The following PTPRT variants were observed in gnomAD, a reference collection of about 807,000 sequenced individuals.
The protein encoded by PTPRT is receptor-type tyrosine-protein phosphatase T.
Under a neutral mutation model 176.8 loss-of-function variants are expected in PTPRT, and 56 were observed. The ratio of observed to expected loss-of-function variants is 0.32; its 90% confidence interval spans 0.26 to 0.40. The LOEUF (loss-of-function observed/expected upper bound fraction) is 0.40, where lower values mean the gene tolerates loss of function less well. Ranked by LOEUF, PTPRT falls within the 10% of genes least tolerant of loss-of-function variation. The pLI, the probability that PTPRT is intolerant of heterozygous loss-of-function variation, is 1.00. For missense variants in PTPRT, 1,540 were observed against 1,908.2 expected (o/e 0.81, Z 3.60); for synonymous variants, 783 against 739.0 (o/e 1.06, Z -0.96).
At chr20:42,573,428 C>T (rs1337935561) in intron 7 of PTPRT, among the ~76,000 whole-genome samples, 2 of 152,146 alleles carry the variant, frequency 1.3e-5, no homozygotes, top group African/African-American at 4.8e-5. Flanking sequence ...CTGTTGAGCT[C>T]CAGAGAGGGA....
intron 9 of PTPRT, among the ~76,000 whole-genome samples, chr20:42,442,293 T>G (rs1359125589): frequency 6.6e-6 from 1 of 152,238 alleles, no homozygotes. Context: ...TGTTGATTCC[T>G]GGGGCCCGTG....
At chr20:42,082,118 C>A (rs1003618807) in intron 29 of PTPRT, 101 bp from the exon 30 acceptor site, 10 of 1,533,582 alleles carry the variant, frequency 6.5e-6, no homozygotes, top group Non-Finnish European at 8.9e-6. Context: ...GCTGTCTGGG[C>A]AGATGCAAGG....
At chr20:43,121,118 G>T (rs1033582498) in intron 1 of PTPRT, among the ~76,000 whole-genome samples, 1 of 151,608 alleles carries the variant, frequency 6.6e-6, no homozygotes, top group Non-Finnish European at 1.5e-5. Context: ...ACGCTATGTT[G>T]TTACCTGTGT....
chr20:42,916,897 G>C (rs1361498383), intron 1 of PTPRT, among the ~76,000 whole-genome samples: 4 of 152,052 alleles, frequency 2.6e-5, no homozygotes, highest in East Asian at 1.9e-4. Context: ...AAAATTTTCT[G>C]CCATTCTGTA....
rs148786455 is a variant in PTPRT at position 42,636,995 on chromosome 20, C to G, written c.1153+40871G>C. ...CAAACCTTCATGGAAGATGGTGCCT[C>G]TGACTCTGGAGGGATACAATGAGGA... On this transcript the variant is annotated intron_variant, in intron 7 of 30. Transcript: ENST00000373187. Among the ~76,000 whole-genome samples, 3 of 152,066 alleles carry G rather than the reference C, an allele frequency of 2.0e-5. No individual in the cohort carries two copies. In the East Asian group the frequency reaches 5.8e-4, roughly 29 times the overall value.
At chr20:42,857,259 C>T (rs1309108530) in intron 2 of PTPRT, among the ~76,000 whole-genome samples, 1 of 152,178 alleles carries the variant, frequency 6.6e-6, no homozygotes, top group African/African-American at 2.4e-5. Context: ...CCTATTCACA[C>T]ATTCTTTCTT....
intron 2 of PTPRT, among the ~76,000 whole-genome samples, chr20:42,877,782 G>A (rs1286529950): frequency 6.6e-6 from 1 of 152,148 alleles, no homozygotes; most frequent in African/African-American, 2.4e-5. Flanking sequence ...GCTTTTTACA[G>A]CTAGCATCCA....
chr20:42,319,200 T>G (rs1258911086), intron 11 of PTPRT, among the ~76,000 whole-genome samples: 14 of 151,694 alleles, frequency 9.2e-5, no homozygotes, highest in Admixed American at 9.2e-4. Context: ...AAGTGATTCA[T>G]GAGGGTCAAA....
intron 1 of PTPRT, among the ~76,000 whole-genome samples, chr20:42,940,561 G>T (rs548034867): frequency 3.1e-4 from 47 of 152,246 alleles, no homozygotes; most frequent in African/African-American, 1.1e-3. Context: ...TTGGAGCATT[G>T]ACAGTGTGTT....
chr20:42,073,120 G>A lies in PTPRT; in HGVS notation c.*7759C>T. ...ATTCATGGAGGAGGCTGCAAAGAGT[G>A]TGGAGACTTTGGTCTCATGCAATAT... On this transcript the variant is annotated 3_prime_UTR_variant, in exon 31 of 31. Transcript: ENST00000373187. 4.8e-6 allele frequency: 1 copy of A among 207,376 alleles called. No individual in the cohort carries two copies. The highest frequency in any genetic ancestry group is 9.9e-6 in the Non-Finnish European group (1 of 101,386). 12.8% of individuals were successfully genotyped at this position (207,376 alleles called of 1,614,324 possible).
intron 2 of PTPRT, among the ~76,000 whole-genome samples, chr20:42,834,383 C>A (rs1000456316): frequency 6.6e-6 from 1 of 152,150 alleles, no homozygotes; most frequent in African/African-American, 2.4e-5. Flanking sequence ...CAGGTGAGGA[C>A]GTGGAACAAA....
intron 1 of PTPRT, among the ~76,000 whole-genome samples, chr20:43,158,297 G>A (rs1051729122): frequency 6.6e-6 from 1 of 152,196 alleles, no homozygotes; most frequent in Non-Finnish European, 1.5e-5. Flanking sequence ...GGAAGTCTGA[G>A]GGTGGAGCTG....
At chr20:42,827,938 T>C (rs903784953) in intron 2 of PTPRT, among the ~76,000 whole-genome samples, 1 of 152,234 alleles carries the variant, frequency 6.6e-6, no homozygotes, top group Non-Finnish European at 1.5e-5. Flanking sequence ...TTGTATGTCC[T>C]TATCAGCAGT....
intron 7 of PTPRT, among the ~76,000 whole-genome samples, chr20:42,676,678 T>C (rs1207248128): frequency 6.6e-6 from 1 of 152,198 alleles, no homozygotes; most frequent in African/African-American, 2.4e-5. Context: ...TTTAAAAGTA[T>C]TGAGTCTCTA....
intron 14 of PTPRT, among the ~76,000 whole-genome samples, chr20:42,240,297 A>T (rs1359878554): frequency 1.3e-5 from 2 of 152,168 alleles, no homozygotes; most frequent in Non-Finnish European, 2.9e-5. Context: ...ACAGGTCTTT[A>T]TTCTGTGACC....
chr20:42,618,865 G>A (rs1369619457), intron 7 of PTPRT, among the ~76,000 whole-genome samples: 11 of 146,144 alleles, frequency 7.5e-5, no homozygotes, highest in South Asian at 4.5e-4. Flanking sequence ...CCTGAATACA[G>A]CACACTGATG....
rs1263102491 is a variant in PTPRT, at chr20:42,887,132, T to A, written c.89-1200A>T. Among the ~76,000 whole-genome samples, 10 of 152,116 alleles carry A rather than the reference T, an allele frequency of 6.6e-5. No individual in the cohort carries two copies. In the East Asian group the frequency reaches 1.9e-3, roughly 29 times the overall value. On this transcript the variant is annotated intron_variant, in intron 1 of 30. Transcript: ENST00000373187. ...GGTTTCCCACCCCACAGAGAACCAA[T>A]GTCTGCTATAGATTAAATGTGTGAA...
At chr20:42,397,473 A>G (rs567530350) in intron 9 of PTPRT, among the ~76,000 whole-genome samples, 172 of 152,258 alleles carry the variant, frequency 1.1e-3, no homozygotes, top group African/African-American at 3.9e-3. Flanking sequence ...CTTCCCCTCT[A>G]GAAATTCCCA....
At chr20:43,188,754 G>T (rs742066) in intron 1 of PTPRT, among the ~76,000 whole-genome samples, 2 of 150,288 alleles carry the variant, frequency 1.3e-5, no homozygotes, top group African/African-American at 4.9e-5. Flanking sequence ...ACTCTTGGGG[G>T]GGGGGGGGCT....
Sources: allele counts gnomAD v4.1 joint callset (sites outside exome capture counted in the v4.1 genomes callset), GRCh38; gene constraint gnomAD v4.1.1; transcripts MANE v1.5; gene names NCBI Gene and HGNC (gene_info 2026-07-23, HGNC 2026-07-21).